TLE2: variants seen among roughly 807,000 people sequenced by gnomAD.
TLE2 encodes the protein TLE family member 2, transcriptional corepressor, also known as transducin-like enhancer protein 2.
A neutral mutation model predicts 97.2 loss-of-function variants in TLE2; 74 were observed. The observed-to-expected ratio is 0.76, with a 90% CI of 0.63 to 0.92. The LOEUF is 0.92. TLE2 is among the 40% of genes least tolerant of loss of function. The pLI is 0.00. For missense variants in TLE2, 1,038 were observed against 1,008.7 expected (o/e 1.03, Z -0.39); for synonymous variants, 499 against 432.1 (o/e 1.15, Z -1.92).
At position 3,005,529 on chromosome 19, in the gene TLE2, TGCCGTAATC is replaced by T; in HGVS notation, c.1795_1803del (p.Asp599_Gly601del). On this transcript the variant is annotated inframe_deletion, in exon 17 of 20. Transcript: ENST00000262953. ...TCCAGGCCCCCTGTCCAGAGCCGAG[TGCCGTAATC>T]GGAAATATCAATGCAGCTGGCGCCG... 1 of 1,613,476 alleles carries T rather than the reference TGCCGTAATC, an allele frequency of 6.2e-7. No homozygotes were observed. Among genetic ancestry groups the T allele is most frequent in the Non-Finnish European group, 8.5e-7 (1 of 1,179,742 alleles).
chr19:2,998,129 G>A (rs764586657), intron 19 of TLE2, among the ~76,000 whole-genome samples, 174 bp from the exon 20 acceptor site: 1 of 151,938 alleles, frequency 6.6e-6, no homozygotes, highest in Non-Finnish European at 1.5e-5. Context: ...GAAGTGCAGT[G>A]GTGCGATCTT....
intron 2 of TLE2, 134 bp from the exon 3 acceptor site, chr19:3,028,516 C>T (rs1568251216): frequency 9.6e-6 from 10 of 1,044,996 alleles, no homozygotes; most frequent in South Asian, 7.8e-5. Flanking sequence ...CCTCCCCGCC[C>T]CTTCCTGGGC....
chr19:3,015,029 T>C (rs371541202), intron 9 of TLE2, among the ~76,000 whole-genome samples: 3 of 59,952 alleles, frequency 5.0e-5, no homozygotes, highest in African/African-American at 7.2e-5. Context: ...CCTTAATAAA[T>C]AAATAAATAA....
upstream of TLE2, chr19:3,029,341 GCCCCGCGCCCAC>G (rs1298501406): frequency 1.5e-5 from 2 of 134,746 alleles, no homozygotes; most frequent in South Asian, 2.6e-4. Flanking sequence ...CCCGCGGCCC[GCCCCGCGCCCAC>G]CCCCGCGCAC....
chr19:3,025,409 C>G, intron 4 of TLE2: 1 of 1,145,844 alleles, frequency 8.7e-7, no homozygotes, highest in South Asian at 3.3e-5. Flanking sequence ...CCAACTCAGA[C>G]GCAGACACTC....
Position 3,008,955 on chromosome 19 carries a change from T to C in TLE2, c.1174-10A>G, listed in dbSNP as rs367583948. ...GAGACTCAAATGCCATCTGTGAGAA[T>C]GCCAGGGGGGTGTCAGTGAGGCAGG... On this transcript the variant is annotated splice_polypyrimidine_tract_variant and intron_variant, in intron 13 of 19. Coordinates refer to ENST00000262953, the MANE Select transcript of TLE2 (RefSeq NM_003260.5). 140 of 1,573,476 alleles carry C rather than the reference T, an allele frequency of 8.9e-5. No individual in the cohort carries two copies. Among genetic ancestry groups the C allele is most frequent in the Non-Finnish European group, 1.2e-4 (138 of 1,159,450 alleles).
chr19:3,021,281 T>C (rs2070053990), intron 5 of TLE2, among the ~76,000 whole-genome samples: 2 of 151,290 alleles, frequency 1.3e-5, no homozygotes, highest in South Asian at 4.2e-4. Context: ...GGCATGCACC[T>C]GTAATCCCAG....
chr19:3,005,344 GTCC>G, intron 17 of TLE2, 90 bp downstream of exon 17: 1 of 1,505,488 alleles, frequency 6.6e-7, no homozygotes. Context: ...GTCCTGTCCT[GTCC>G]TGCCTCTGGA....
At chr19:3,005,354 T>A in intron 17 of TLE2, 83 bp downstream of exon 17, 1 of 1,533,366 alleles carries the variant, frequency 6.5e-7, no homozygotes. Flanking sequence ...GTCCTGCCTC[T>A]GGAAGTGGGC....
intron 5 of TLE2, among the ~76,000 whole-genome samples, chr19:3,024,005 T>C (rs1403966250): frequency 6.7e-6 from 1 of 149,992 alleles, no homozygotes; most frequent in African/African-American, 2.4e-5. Flanking sequence ...TTTTTTTTTT[T>C]TTTTTTTTGA....
chr19:3,005,153 A>G (rs1403358764), intron 17 of TLE2, among the ~76,000 whole-genome samples: 1 of 152,160 alleles, frequency 6.6e-6, no homozygotes, highest in East Asian at 1.9e-4. Flanking sequence ...ACACGAGGAA[A>G]GGCACATATA....
chr19:3,044,127 C>T (rs1346310378), intron 1 of TLE2, among the ~76,000 whole-genome samples: 1 of 151,858 alleles, frequency 6.6e-6, no homozygotes, highest in Non-Finnish European at 1.5e-5. Flanking sequence ...GGGCCGAGAC[C>T]TTGCCACTGC....
At chr19:3,001,322 C>G (rs984394755) in intron 18 of TLE2, among the ~76,000 whole-genome samples, 2 of 151,862 alleles carry the variant, frequency 1.3e-5, no homozygotes, top group African/African-American at 2.4e-5. Context: ...ACTATGCTGC[C>G]CAGACTGGTC....
chr19:3,020,950 G>A (rs561154111), intron 5 of TLE2, among the ~76,000 whole-genome samples: 9 of 151,834 alleles, frequency 5.9e-5, no homozygotes, highest in South Asian at 2.1e-4. Context: ...TTAGCCAGAC[G>A]TGGCGGCGGG....
intron 11 of TLE2, among the ~76,000 whole-genome samples, chr19:3,011,908 T>A (rs2089605802): frequency 6.6e-6 from 1 of 151,292 alleles, no homozygotes; most frequent in South Asian, 2.1e-4. Flanking sequence ...GCTGTCAAGA[T>A]TTGCAATTCT....
upstream of TLE2, among the ~76,000 whole-genome samples, chr19:3,031,545 G>C (rs1253722930): frequency 2.0e-5 from 3 of 151,924 alleles, no homozygotes; most frequent in South Asian, 2.1e-4. Flanking sequence ...GCCCAGGCTG[G>C]TCTTGCATTC....
rs1235070143 is a variant in TLE2 at position 3,011,126 on chromosome 19, G to T, written c.908C>A (p.Ser303Tyr). The T allele has an allele frequency of 6.2e-7, 1 of 1,610,002 alleles. No individual in the cohort carries two copies. Among genetic ancestry groups the T allele is most frequent in the East Asian group, 2.2e-5 (1 of 44,790 alleles). The change falls in exon 12 of 20, where the codon TCC (serine) becomes TAC (tyrosine). Residue 303 changes from serine to tyrosine, a missense_variant. Coordinates refer to ENST00000262953, the MANE Select transcript of TLE2 (RefSeq NM_003260.5). ...DLPASTPASK[S>Y]CDSSPPQDAS... The stretch of plus-strand genomic sequence containing the variant: ...GTCCTGGGGCGGGGAGGAGTCACAG[G>T]ATTTGGAGGCAGGAGTGCTGGCGGG...
rs1288161305 is a variant in TLE2 at position 3,000,710 on chromosome 19, C to T, written c.2061G>A (p.Val687=). ...LKFASCGRWF[V]STGKDNLLNA... Reference sequence around the variant, plus strand: ...TGAGCAGGTTGTCCTTCCCGGTGCTCACAAACCACCGTCCTTGGGGAAGGA... The same window carrying T: ...TGAGCAGGTTGTCCTTCCCGGTGCTTACAAACCACCGTCCTTGGGGAAGGA... Residue 687 remains valine (V), a synonymous_variant, in exon 19 of 20, where the codon GTG becomes GTA. Coordinates refer to ENST00000262953, the MANE Select transcript of TLE2 (RefSeq NM_003260.5). 6.3e-7 allele frequency: 1 copy of T among 1,587,994 alleles called. No homozygotes were observed. The highest frequency in any genetic ancestry group is 1.3e-5 in the African/African-American group (1 of 74,292).
intron 15 of TLE2, 127 bp from the exon 16 acceptor site, chr19:3,006,095 T>C (rs375716302): frequency 2.3e-4 from 280 of 1,219,820 alleles, no homozygotes; most frequent in Non-Finnish European, 1.9e-4. Context: ...AGCCCTACCC[T>C]GATTGGCTGG....
Sources: gnomAD v4.1 joint callset for allele counts (sites outside exome capture counted in the v4.1 genomes callset) on GRCh38, gnomAD v4.1.1 for gene constraint, MANE v1.5 for transcripts, NCBI Gene and HGNC (gene_info 2026-07-23, HGNC 2026-07-21) for gene names.